The following MACROD2 variants were observed in gnomAD, a reference collection of about 807,000 sequenced individuals.
MACROD2 encodes ADP-ribose glycohydrolase MACROD2.
A neutral mutation model predicts 70.4 loss-of-function variants in MACROD2; 36 were observed. That is an observed-to-expected ratio of 0.51 (90% CI 0.39 to 0.68). The LOEUF is 0.68. Ranked by LOEUF, MACROD2 falls within the 30% of genes least tolerant of loss-of-function variation. The probability of loss-of-function intolerance (pLI) is 0.00; values close to 1 mark genes in which losing one functional copy is unlikely to be tolerated. For missense variants in MACROD2, 496 were observed against 538.4 expected, an observed-to-expected ratio of 0.92 and a Z score of 0.78; for synonymous variants, 172 against 178.8, an observed-to-expected ratio of 0.96 and a Z score of 0.30.
intron 5 of MACROD2, among the ~76,000 whole-genome samples, chr20:15,210,894 A>G (rs1173264236): frequency 2.6e-5 from 4 of 152,164 alleles, no homozygotes; most frequent in Non-Finnish European, 4.4e-5. Flanking sequence ...CCATGAGCCA[A>G]TTAAACCACT....
intron 5 of MACROD2, among the ~76,000 whole-genome samples, chr20:14,837,777 A>T (rs572312444): frequency 2.4e-4 from 36 of 152,194 alleles, no homozygotes; most frequent in African/African-American, 8.7e-4. Flanking sequence ...TACCTATATC[A>T]TGCCCAACCA....
intron 6 of MACROD2, chr20:15,280,704 A>G (rs1280354693): frequency 2.6e-5 from 4 of 152,334 alleles, no homozygotes; most frequent in South Asian, 4.1e-4. Context: ...ACTGATGCTT[A>G]TCCCAAAACA....
At chr20:15,200,609 A>G (rs900303473) in intron 5 of MACROD2, among the ~76,000 whole-genome samples, 7 of 152,210 alleles carry the variant, frequency 4.6e-5, no homozygotes, top group African/African-American at 1.4e-4. Flanking sequence ...GCTAGCAATC[A>G]TTACAGTTTA....
At chr20:14,122,899 T>C (rs1225983439) in intron 3 of MACROD2, among the ~76,000 whole-genome samples, 1 of 152,150 alleles carries the variant, frequency 6.6e-6, no homozygotes, top group Non-Finnish European at 1.5e-5. Flanking sequence ...CTTTCCAGTA[T>C]GTGAGAAATA....
chr20:15,059,956 A>G (rs1017463725), intron 5 of MACROD2, among the ~76,000 whole-genome samples: 3 of 152,210 alleles, frequency 2.0e-5, no homozygotes, highest in African/African-American at 7.2e-5. Flanking sequence ...ATAGTAAAGT[A>G]TCTTCCTATC....
intron 3 of MACROD2, among the ~76,000 whole-genome samples, chr20:14,242,615 C>A (rs2081938789): frequency 6.6e-6 from 1 of 151,944 alleles, no homozygotes; most frequent in South Asian, 2.1e-4. Flanking sequence ...GTTAATTACC[C>A]AATTATTTTC....
chr20:14,899,550 T>G (rs532427205), intron 5 of MACROD2, among the ~76,000 whole-genome samples: 1 of 152,262 alleles, frequency 6.6e-6, no homozygotes, highest in African/African-American at 2.4e-5. Context: ...TGTATGTGCC[T>G]CTGTGTCCAA....
intron 4 of MACROD2, among the ~76,000 whole-genome samples, chr20:14,609,330 A>T (rs1983013749): frequency 6.6e-6 from 1 of 152,114 alleles, no homozygotes; most frequent in Non-Finnish European, 1.5e-5. Flanking sequence ...ATGAGGAAAG[A>T]GATGAATCCA....
intron 2 of MACROD2, among the ~76,000 whole-genome samples, chr20:14,072,215 C>T (rs2053854297): frequency 6.6e-6 from 1 of 151,710 alleles, no homozygotes; most frequent in Non-Finnish European, 1.5e-5. Context: ...TGTTTTTTTC[C>T]TCTAGGGCAA....
chr20:14,339,768 T>G (rs1327774740), intron 3 of MACROD2, among the ~76,000 whole-genome samples: 1 of 152,138 alleles, frequency 6.6e-6, no homozygotes, highest in African/African-American at 2.4e-5. Flanking sequence ...TTTTGTTGCT[T>G]TTTTTCCCCT....
At chr20:15,516,777 C>T in intron 8 of MACROD2, among the ~76,000 whole-genome samples, 1 of 152,272 alleles carries the variant, frequency 6.6e-6, no homozygotes, top group East Asian at 1.9e-4. Context: ...TTTTCACTAA[C>T]CTCTAGTTAA....
rs569017528 is a variant in MACROD2, at chr20:15,669,508, C to T, written c.645+169661C>T. On this transcript the variant is annotated intron_variant, in intron 8 of 17. Transcript: ENST00000684519. ...TGGAAATGTAGTAACCACATCACTC[C>T]CCCCAACTCCTGCTCCCTGATTTTT... Among the ~76,000 whole-genome samples, 10 of 152,204 alleles carry T rather than the reference C, an allele frequency of 6.6e-5. No homozygotes were observed. The South Asian group carries it at 1.9e-3, about 28-fold the overall frequency.
At chr20:14,788,483 G>T (rs990785771) in intron 5 of MACROD2, among the ~76,000 whole-genome samples, 1 of 150,408 alleles carries the variant, frequency 6.6e-6, no homozygotes. Flanking sequence ...CTACTCCGGA[G>T]GCTAAGGTGG....
chr20:14,534,496 T>C (rs2085341601), intron 4 of MACROD2, among the ~76,000 whole-genome samples: 1 of 152,214 alleles, frequency 6.6e-6, no homozygotes, highest in Non-Finnish European at 1.5e-5. Flanking sequence ...TACTTAATAA[T>C]GTATGTTATG....
chr20:14,520,570 A>G (rs1421969752), intron 4 of MACROD2, among the ~76,000 whole-genome samples: 3 of 151,690 alleles, frequency 2.0e-5, no homozygotes, highest in Non-Finnish European at 4.4e-5. Flanking sequence ...GGCATGTTAC[A>G]ATCTACATAC....
chr20:14,634,821 A>G (rs938554722), intron 4 of MACROD2, among the ~76,000 whole-genome samples: 4 of 152,216 alleles, frequency 2.6e-5, no homozygotes, highest in Non-Finnish European at 4.4e-5. Context: ...TTGCCAGAGT[A>G]TAATAGCTCT....
chr20:14,442,870 A>G (rs897694609), intron 3 of MACROD2, among the ~76,000 whole-genome samples: 2 of 151,980 alleles, frequency 1.3e-5, no homozygotes, highest in African/African-American at 2.4e-5. Context: ...AGGTCAGGAG[A>G]TCGAGACCAT....
At chr20:14,300,389 T>A (rs1446833135) in intron 3 of MACROD2, among the ~76,000 whole-genome samples, 1 of 152,198 alleles carries the variant, frequency 6.6e-6, no homozygotes, top group Non-Finnish European at 1.5e-5. Context: ...AAGCCCATGC[T>A]CTTTATTGCT....
chr20:15,322,766 G>A (rs2077886077), intron 6 of MACROD2, among the ~76,000 whole-genome samples: 1 of 143,838 alleles, frequency 7.0e-6, no homozygotes, highest in Non-Finnish European at 1.6e-5. Flanking sequence ...GAGACTTCAG[G>A]GATCTTCCTT....
Sources: gnomAD v4.1 joint callset for allele counts (sites outside exome capture counted in the v4.1 genomes callset) on GRCh38, gnomAD v4.1.1 for gene constraint, MANE v1.5 for transcripts, NCBI Gene and HGNC (gene_info 2026-07-23, HGNC 2026-07-21) for gene names.